The following NREP variants were observed in gnomAD, a reference collection of about 807,000 sequenced individuals.
NREP encodes neuronal regeneration related protein, also known as neuronal regeneration-related protein.
Under a neutral mutation model 8.6 loss-of-function variants are expected in NREP, and 5 were observed. The ratio of observed to expected loss-of-function variants is 0.58; its 90% CI spans 0.30 to 1.22. NREP has a LOEUF of 1.22. NREP is among the 50% of genes most tolerant of loss of function. The probability of loss-of-function intolerance (pLI) is 0.07; values close to 1 mark genes in which losing one functional copy is unlikely to be tolerated. For synonymous variants in NREP, 27 were observed against 28.0 expected, an observed-to-expected ratio of 0.96 and a Z score of 0.11; for missense variants, 86 against 82.5, an observed-to-expected ratio of 1.04 and a Z score of -0.17.
rs187961122 is a variant in NREP, at chr5:111,959,318, T to C, written c.135+15956A>G. ...ATAGTGGTTAACTTTGAGGAAGGGG[T>C]AAGTGAGTAGTGATTAGAGAGGAGT... On this transcript the variant is annotated intron_variant, in intron 2 of 3. Coordinates refer to the NREP transcript ENST00000395634. Among the ~76,000 whole-genome samples, 136 of 151,936 alleles carry C rather than the reference T, an allele frequency of 9.0e-4. 3 individuals are homozygous for C. In the South Asian group the frequency reaches 0.025, roughly 28 times the overall value.
At chr5:111,820,935 T>G (rs1177182120) in intron 2 of NREP, among the ~76,000 whole-genome samples, 2 of 152,194 alleles carry the variant, frequency 1.3e-5, no homozygotes. Context: ...AACCAGAAGT[T>G]TCTAAAGTCA....
chr5:111,925,245 G>C (rs1434398803), intron 2 of NREP, among the ~76,000 whole-genome samples: 1 of 133,418 alleles, frequency 7.5e-6, no homozygotes, highest in African/African-American at 2.7e-5. Context: ...GGAGCATTTG[G>C]GAGACCAGTT....
At chr5:111,910,686 G>C (rs1050710495) in intron 2 of NREP, among the ~76,000 whole-genome samples, 7 of 152,004 alleles carry the variant, frequency 4.6e-5, no homozygotes, top group African/African-American at 1.7e-4. Context: ...TGGCTTCTGA[G>C]ACTGGAACAA....
At position 111,790,347 on chromosome 5, in the gene NREP, C is replaced by CTTTTTTTTTT. The variant is rs57775701; in HGVS notation, c.136-54850_136-54841dup. On this transcript the variant is annotated intron_variant, in intron 2 of 3. Coordinates refer to the NREP transcript ENST00000395634. ...TCACCCTATACTTCAAAAACCTTAA[C>CTTTTTTTTTT]TTTTTTTTTTTTTTTTTTTTTTTTT... Among the ~76,000 whole-genome samples the CTTTTTTTTTT allele has an allele frequency of 1.2e-3, 72 of 59,638 alleles. 3 individuals carry two copies. Among genetic ancestry groups the CTTTTTTTTTT allele is most frequent in the African/African-American group, 2.1e-3 (30 of 14,522 alleles). 39.1% of individuals were successfully genotyped at this position (59,638 alleles called of 152,430 possible). A position where few individuals can be genotyped will look rare whatever the true frequency, so the allele number is the denominator to read the frequency against.
At chr5:111,787,827 G>A (rs893237442) in intron 2 of NREP, among the ~76,000 whole-genome samples, 3 of 152,106 alleles carry the variant, frequency 2.0e-5, no homozygotes, top group Non-Finnish European at 2.9e-5. Flanking sequence ...GCCAGGCATC[G>A]TGGCTCATGC....
chr5:111,903,398 T>C (rs967198232), intron 2 of NREP, among the ~76,000 whole-genome samples: 2 of 152,102 alleles, frequency 1.3e-5, no homozygotes, highest in African/African-American at 4.8e-5. Flanking sequence ...CATGAAATTT[T>C]TGAAGTTTCA....
intron 2 of NREP, among the ~76,000 whole-genome samples, chr5:111,952,222 C>A (rs1756180596): frequency 6.6e-6 from 1 of 152,116 alleles, no homozygotes; most frequent in Admixed American, 6.5e-5. Context: ...GACACCTGGT[C>A]TCCACATTGC....
chr5:111,870,930 G>A (rs1237852993), intron 2 of NREP, among the ~76,000 whole-genome samples: 1 of 152,144 alleles, frequency 6.6e-6, no homozygotes, highest in East Asian at 1.9e-4. Flanking sequence ...CTAGTACAGT[G>A]TAAATTTTTA....
chr5:111,954,200 A>C (rs1467097398), intron 2 of NREP, among the ~76,000 whole-genome samples: 3 of 152,150 alleles, frequency 2.0e-5, no homozygotes, highest in African/African-American at 4.8e-5. Flanking sequence ...TCATCTTCAG[A>C]TATTAGAAGA....
intron 2 of NREP, among the ~76,000 whole-genome samples, chr5:111,966,656 A>G (rs1234578127): frequency 6.6e-6 from 1 of 152,248 alleles, no homozygotes; most frequent in Non-Finnish European, 1.5e-5. Flanking sequence ...GAATTAAAGC[A>G]GAAAACATGG....
chr5:111,802,631 G>T (rs369078561), intron 2 of NREP, among the ~76,000 whole-genome samples: 111 of 152,298 alleles, frequency 7.3e-4, no homozygotes, highest in African/African-American at 2.6e-3. Flanking sequence ...GTCACCTGAA[G>T]TGCATCCCAT....
At position 111,976,768 on chromosome 5, in the gene NREP, G is replaced by C. The variant is rs761922081; in HGVS notation, c.-29C>G. On this transcript the variant is annotated 5_prime_UTR_variant, in exon 1 of 4. Coordinates refer to the NREP transcript ENST00000395634. ...AGTCCTGTTACTGCTTGAGGATAAA[G>C]TTCAGTCTTTAAAGGACAAAGAAGC... The C allele has an allele frequency of 1.5e-4, 228 of 1,548,678 alleles. 1 individual carries two copies. The highest frequency in any genetic ancestry group is 1.7e-4 in the Middle Eastern group (1 of 6,004).
intron 2 of NREP, among the ~76,000 whole-genome samples, chr5:111,772,831 A>C (rs1183915356): frequency 6.6e-6 from 1 of 152,206 alleles, no homozygotes; most frequent in Non-Finnish European, 1.5e-5. Context: ...TAATAATAGG[A>C]GTTTAATATA....
intron 2 of NREP, among the ~76,000 whole-genome samples, chr5:111,926,088 G>A (rs892798103): frequency 1.3e-5 from 2 of 152,102 alleles, no homozygotes; most frequent in Non-Finnish European, 2.9e-5. Flanking sequence ...ATAACTGCTG[G>A]GGTCATTAGA....
At chr5:111,941,250 T>C (rs1302552696) in intron 2 of NREP, among the ~76,000 whole-genome samples, 1 of 152,134 alleles carries the variant, frequency 6.6e-6, no homozygotes, top group African/African-American at 2.4e-5. Context: ...TATCTTGTTA[T>C]AATCTAGAGT....
chr5:111,757,596 G>T, upstream of NREP: 2 of 983,780 alleles, frequency 2.0e-6, no homozygotes, highest in Non-Finnish European at 2.4e-6. Context: ...CCCCGTCGGC[G>T]AGCGGCCAAC....
At chr5:111,777,660 A>G (rs1751396843) in intron 2 of NREP, among the ~76,000 whole-genome samples, 1 of 152,078 alleles carries the variant, frequency 6.6e-6, no homozygotes, top group African/African-American at 2.4e-5. Context: ...TTTAAGTCCA[A>G]AATGCTGTTT....
At chr5:111,886,699 A>G (rs1334044989) in intron 2 of NREP, among the ~76,000 whole-genome samples, 1 of 151,338 alleles carries the variant, frequency 6.6e-6, no homozygotes, top group Non-Finnish European at 1.5e-5. Context: ...GGAAATCATC[A>G]TTCTCAGTAA....
At chr5:111,890,865 C>T (rs1581196167) in intron 2 of NREP, among the ~76,000 whole-genome samples, 1 of 152,230 alleles carries the variant, frequency 6.6e-6, no homozygotes, top group South Asian at 2.1e-4. Context: ...GGGGCTGCCA[C>T]AAAAGCCTCT....
Sources: gnomAD v4.1 joint callset for allele counts (sites outside exome capture counted in the v4.1 genomes callset) on GRCh38, gnomAD v4.1.1 for gene constraint, MANE v1.5 for transcripts, NCBI Gene and HGNC (gene_info 2026-07-23, HGNC 2026-07-21) for gene names.